Variants in MYH2 observed in about 807,000 individuals in gnomAD.
The protein encoded by MYH2 is myosin heavy chain 2, also known as myosin-2.
Under a neutral mutation model 228.1 loss-of-function variants are expected in MYH2, and 139 were observed. The ratio of observed to expected loss-of-function variants is 0.61; its 90% confidence interval spans 0.53 to 0.70. The LOEUF (loss-of-function observed/expected upper bound fraction) is 0.70. Ranked by LOEUF, MYH2 falls within the 30% of genes least tolerant of loss-of-function variation. The pLI is 0.00. For missense variants in MYH2, 1,809 were observed against 2,357.5 expected, an observed-to-expected ratio of 0.77 and a Z score of 4.82; for synonymous variants, 796 against 871.1, an observed-to-expected ratio of 0.91 and a Z score of 1.52.
At position 10,524,570 on chromosome 17, in the gene MYH2, T is replaced by G; in HGVS notation, c.5071A>C (p.Ile1691Leu). Residue 1691 changes from isoleucine to leucine, a missense_variant, in exon 35 of 40, where the codon ATC becomes CTC. By Grantham distance (5) the Ile-to-Leu change is conservative. This residue lies in a region of MYH2 where 75 missense variants were observed against 131.2 expected (regional missense o/e 0.57). Coordinates refer to ENST00000245503, the MANE Select transcript of MYH2 (RefSeq NM_017534.6). The surrounding 1 kb of genome is among the most constrained non-coding windows in gnomAD (Gnocchi z 4.7). ...TCCAGAGTGGCCCGCAGCTCCTCGA[T>G]CTCAGCCTGCAGCAGGTTGGCTCTG... ...ERRANLLQAE[I>L]EELRATLEQT... The G allele has an allele frequency of 6.2e-7, 1 of 1,614,228 alleles. No homozygotes were observed. The highest frequency in any genetic ancestry group is 2.2e-5 in the East Asian group (1 of 44,874).
Position 10,533,555 on chromosome 17 carries a change from G to T in MYH2, c.2258C>A (p.Ala753Glu). ...DSKKASEKLL[A>E]SIDIDHTQYK... Reference sequence around the variant, plus strand: ...CTGGGTGTGGTCAATGTCGATGGATGCAAGGAGCTTCTCAGAGGCCTTCTT... The same window carrying T: ...CTGGGTGTGGTCAATGTCGATGGATTCAAGGAGCTTCTCAGAGGCCTTCTT... The change falls in exon 20 of 40, where the codon GCA becomes GAA. Residue 753 changes from alanine to glutamate, a missense_variant. This residue lies in a region of MYH2 where 276 missense variants were observed against 344.2 expected (regional missense o/e 0.80). Transcript: ENST00000245503. The T allele has an allele frequency of 1.2e-6, 2 of 1,614,170 alleles. No homozygotes were observed. Among genetic ancestry groups the T allele is most frequent in the Non-Finnish European group, 1.7e-6 (2 of 1,179,994 alleles).
Position 10,547,883 on chromosome 17 carries a change from G to C in MYH2, c.38C>G (p.Ala13Gly). The C allele has an allele frequency of 6.2e-7, 1 of 1,614,176 alleles. No individual in the cohort carries two copies. Among genetic ancestry groups the C allele is most frequent in the Non-Finnish European group, 8.5e-7 (1 of 1,180,024 alleles). ...SDSELAVFGE[A>G]APFLRKSERE... ...TTCAGACTTTCGGAGGAAAGGAGCA[G>C]CCTCCCCAAAAACAGCCAATTCTGA... The change falls in exon 3 of 40, where the codon GCT (alanine) becomes GGT (glycine). Residue 13 changes from alanine (A) to glycine (G), a missense_variant. This residue lies in a region of MYH2 where 84 missense variants were observed against 81.8 expected (regional missense o/e 1.03). Coordinates refer to ENST00000245503, the MANE Select transcript of MYH2 (RefSeq NM_017534.6).
intron 27 of MYH2, 59 bp downstream of exon 27, chr17:10,528,631 A>C (rs1304682601): frequency 6.2e-7 from 1 of 1,612,790 alleles, no homozygotes. Context: ...GCCCTGTGCA[A>C]ACTATGATGT....
At chr17:10,526,463 A>C in intron 30 of MYH2, 136 bp downstream of exon 30, 2 of 1,389,878 alleles carry the variant, frequency 1.4e-6, no homozygotes, top group Non-Finnish European at 2.0e-6. Flanking sequence ...TCTTATTCTC[A>C]GGGCCTGATT....
Position 10,545,506 on chromosome 17 carries a change from T to C in MYH2, c.349-4A>G, listed in dbSNP as rs2073618053. 1.2e-6 allele frequency: 2 copies of C among 1,614,116 alleles called. No homozygotes were observed. The highest frequency in any genetic ancestry group is 1.7e-6 in the Non-Finnish European group (2 of 1,179,970). Reference sequence around the variant, plus strand: ...CACAGAAGAGACCTGAATAGGTCTATGAGAAGGAAAAAGAATAAGTACCCA... The same window carrying C: ...CACAGAAGAGACCTGAATAGGTCTACGAGAAGGAAAAAGAATAAGTACCCA... On this transcript the variant is annotated splice_polypyrimidine_tract_variant and splice_region_variant and intron_variant, in intron 4 of 39. Transcript: ENST00000245503.
intron 8 of MYH2, 108 bp downstream of exon 8, chr17:10,543,603 C>A: frequency 6.7e-7 from 1 of 1,487,520 alleles, no homozygotes; most frequent in African/African-American, 1.4e-5. Context: ...AAGGAAAGAA[C>A]AATGATGTAA....
chr17:10,523,966 TAAA>T, intron 35 of MYH2, 82 bp from the exon 36 acceptor site: 1 of 1,458,072 alleles, frequency 6.9e-7, no homozygotes. Flanking sequence ...AAAATTCAGA[TAAA>T]AATTTGCAAG....
Position 10,537,086 on chromosome 17 carries a change from T to C in MYH2, c.1897+147A>G. ...AGCAGTGGAGTGAGCCACAAATGTA[T>C]AATTACAAGGCTGCCTATCTATTCA... On this transcript the variant is annotated intron_variant, in intron 16 of 39. Transcript: ENST00000245503. The surrounding 1 kb of genome is among the most constrained non-coding windows in gnomAD (Gnocchi z 4.0). 1.8e-6 allele frequency: 2 copies of C among 1,097,930 alleles called. No homozygotes were observed. The highest frequency in any genetic ancestry group is 2.7e-6 in the Non-Finnish European group (2 of 731,504). 68.0% of individuals were successfully genotyped at this position (1,097,930 alleles called of 1,614,324 possible).
In MYH2 at chr17:10,527,790, T is replaced by C. The variant is rs1210782200; in HGVS notation, c.3829A>G (p.Asn1277Asp). 1 of 1,614,178 alleles carries C rather than the reference T, an allele frequency of 6.2e-7. No homozygotes were observed. The highest frequency in any genetic ancestry group is 1.7e-5 in the Admixed American group (1 of 60,028). Residue 1277 changes from asparagine to aspartate, a missense_variant, in exon 28 of 40, where the codon AAT (asparagine) becomes GAT (aspartate). Physicochemically the swap from Asn to Asp is conservative, Grantham distance 23. Around this residue, in one of 9 missense-constraint regions of MYH2, gnomAD observed 636 missense variants for 729.9 expected, o/e 0.87. Transcript: ENST00000245503. ...CGCCCCCTCTGCGCAGTCAGGTCAT[T>C]GATCAGCCGCTGCTGCTCCTCTTCC... The part of the protein sequence containing the change: ...SKEEEQQRLI[N>D]DLTAQRGRLQ...
At chr17:10,533,156 T>A in intron 21 of MYH2, 129 bp downstream of exon 21, 1 of 1,372,554 alleles carries the variant, frequency 7.3e-7, no homozygotes, top group Non-Finnish European at 1.0e-6. Flanking sequence ...TACATGTGTA[T>A]TCCCACTTCA....
intron 3 of MYH2, 23 bp from the exon 4 acceptor site, chr17:10,547,641 G>T (rs376845554): frequency 1.7e-5 from 27 of 1,613,966 alleles, no homozygotes; most frequent in Non-Finnish European, 2.3e-5. Flanking sequence ...AAAGATAACC[G>T]TTTACATTAA....
intron 39 of MYH2, among the ~76,000 whole-genome samples, chr17:10,522,663 C>T (rs1361239077): frequency 6.6e-6 from 1 of 152,096 alleles, no homozygotes; most frequent in African/African-American, 2.4e-5. Context: ...GCTTTGACTA[C>T]ATTCTGTAGG....
chr17:10,544,753 T>C (rs1453214668), intron 5 of MYH2, among the ~76,000 whole-genome samples: 1 of 152,216 alleles, frequency 6.6e-6, no homozygotes, highest in Non-Finnish European at 1.5e-5. Flanking sequence ...GTAGTTTAGA[T>C]TGGTCTAGCC....
rs1172998021 is a variant in MYH2 at position 10,537,116 on chromosome 17, T to G, written c.1897+117A>C. 1 of 1,376,702 alleles carries G rather than the reference T, an allele frequency of 7.3e-7. No homozygotes were observed. The highest frequency in any genetic ancestry group is 1.0e-6 in the Non-Finnish European group (1 of 975,282). The allele number at this position is 1,376,702 out of a possible 1,614,324, so 85.3% of individuals were successfully genotyped here. A position where few individuals can be genotyped will look rare whatever the true frequency, so the allele number is the denominator to read the frequency against. On this transcript the variant is annotated intron_variant, in intron 16 of 39. Coordinates refer to ENST00000245503, the MANE Select transcript of MYH2 (RefSeq NM_017534.6). This position sits in a 1 kb window ranked among gnomAD's most constrained non-coding sequence, Gnocchi z 4.0. ...ACAAGGCTGCCTATCTATTCAATAC[T>G]TGGAGGAACCAGGGGCTTGGTCTGC...
Position 10,537,358 on chromosome 17 carries a change from T to G in MYH2, c.1772A>C (p.Tyr591Ser). The G allele has an allele frequency of 6.2e-7, 1 of 1,614,206 alleles. No homozygotes were observed. Among genetic ancestry groups the G allele is most frequent in the Non-Finnish European group, 8.5e-7 (1 of 1,180,040 alleles). Residue 591 changes from tyrosine to serine, a missense_variant, in exon 16 of 40, where the codon TAC becomes TCC. This residue lies in a region of MYH2 where 41 missense variants were observed against 35.1 expected (regional missense o/e 1.17). Coordinates refer to ENST00000245503, the MANE Select transcript of MYH2 (RefSeq NM_017534.6). The surrounding 1 kb of genome is among the most constrained non-coding windows in gnomAD (Gnocchi z 4.0). The stretch of plus-strand genomic sequence containing the variant: ...CTTCTCCAGCCAGCCAGTAATGTTG[T>G]AGTCCACAACACCAGCATAGTGAAT... ...ALIHYAGVVD[Y>S]NITGWLEKNK...
At position 10,532,388 on chromosome 17, in the gene MYH2, T is replaced by C. The variant is rs1321371932; in HGVS notation, c.2442-500A>G. ...AAAACTCAGAATTTCTTAGAAAATA[T>C]CTGGCTTTATATGTTAATGTTGTGT... On this transcript the variant is annotated intron_variant, in intron 21 of 39. Transcript: ENST00000245503. Among the ~76,000 whole-genome samples the C allele has an allele frequency of 9.2e-5, 14 of 152,150 alleles. No individual in the cohort carries two copies. The East Asian group carries it at 2.3e-3, about 25-fold the overall frequency.
chr17:10,536,746 T>G, intron 16 of MYH2, 140 bp from the exon 17 acceptor site: 1 of 791,236 alleles, frequency 1.3e-6, no homozygotes, highest in South Asian at 1.5e-5. Context: ...TGAATCTTAT[T>G]TTTCAACTAA....
intron 16 of MYH2, 93 bp from the exon 17 acceptor site, chr17:10,536,699 T>A: frequency 8.4e-7 from 1 of 1,184,194 alleles, no homozygotes; most frequent in Admixed American, 1.9e-5. Context: ...AGTGGAGCCT[T>A]TTTTCTACCC....
At position 10,529,001 on chromosome 17, in the gene MYH2, G is replaced by T. The variant is rs1469742891; in HGVS notation, c.3433C>A (p.Leu1145Ile). 6.2e-7 allele frequency: 1 copy of T among 1,614,224 alleles called. No homozygotes were observed. The highest frequency in any genetic ancestry group is 1.3e-5 in the African/African-American group (1 of 75,058). The change falls in exon 27 of 40, where the codon CTC (leucine) becomes ATC (isoleucine). Residue 1145 changes from leucine (L) to isoleucine (I), a missense_variant. Leu to Ile is a conservative substitution (Grantham distance 5). Coordinates refer to ENST00000245503, the MANE Select transcript of MYH2 (RefSeq NM_017534.6). Reference sequence around the variant, plus strand: ...CTGATCTCCTCCAGCTCCCGGGAGAGGTCAGAGCGCTGCTTCTCTGCTTTG... The same window carrying T: ...CTGATCTCCTCCAGCTCCCGGGAGATGTCAGAGCGCTGCTTCTCTGCTTTG... ...RAKAEKQRSDLSRELEEISER... is the reference protein window; with the variant it reads ...RAKAEKQRSDISRELEEISER...
Sources: allele counts gnomAD v4.1 joint callset (sites outside exome capture counted in the v4.1 genomes callset), GRCh38; gene constraint gnomAD v4.1.1; regional missense constraint gnomAD v4.1.1; non-coding constraint Gnocchi (gnomAD v3.1); transcripts MANE v1.5; gene names NCBI Gene and HGNC (gene_info 2026-07-23, HGNC 2026-07-21).